The following MYOM2 variants were observed in gnomAD, a reference collection of about 807,000 sequenced individuals.
The protein encoded by MYOM2 is myomesin-2.
In MYOM2, 254 loss-of-function variants were observed where a neutral mutation model predicts 187.6. The observed-to-expected ratio is 1.35, with a 90% CI of 1.22 to 1.50. The LOEUF is 1.50. Among genes scored for constraint, MYOM2 ranks in the 40% most tolerant of loss-of-function variants. The pLI, the probability that MYOM2 is intolerant of heterozygous loss-of-function variation, is 0.00. For synonymous variants in MYOM2, 981 were observed against 753.8 expected (o/e 1.30, Z -4.94); for missense variants, 2,796 against 1,924.0 (o/e 1.45, Z -8.48).
At chr8:2,071,972 A>C (rs2129334283) in intron 8 of MYOM2, among the ~76,000 whole-genome samples, 1 of 152,100 alleles carries the variant, frequency 6.6e-6, no homozygotes, top group South Asian at 2.1e-4. Context: ...ACCTCCTTAC[A>C]CCGTCCCATT....
chr8:2,122,528 G>A (rs1460854343), intron 28 of MYOM2, among the ~76,000 whole-genome samples: 2 of 152,214 alleles, frequency 1.3e-5, no homozygotes, highest in African/African-American at 4.8e-5. Context: ...TGACACTGTT[G>A]AATCATTTTC....
chr8:2,111,609 C>T (rs1298085550), intron 25 of MYOM2, among the ~76,000 whole-genome samples: 1 of 152,218 alleles, frequency 6.6e-6, no homozygotes. Context: ...ACACTCCACA[C>T]TGTAAAGAAA....
intron 14 of MYOM2, among the ~76,000 whole-genome samples, chr8:2,086,488 T>TGGCCCCCCACAGTCGTGATCTCTGC (rs1796073499): frequency 3.3e-5 from 2 of 61,026 alleles, no homozygotes; most frequent in African/African-American, 1.2e-4. Context: ...ATGATCTCTG[T>TGGCCCCCCACAGTCGTGATCTCTGC]GTGGCCCCCC....
At position 2,136,925 on chromosome 8, in the gene MYOM2, A is replaced by G. The variant is rs993697178; in HGVS notation, c.3801-3798A>G. 3.3e-5 allele frequency among the ~76,000 whole-genome samples: 5 copies of G among 152,138 alleles called. No homozygotes were observed. The South Asian group carries it at 6.2e-4, about 19-fold the overall frequency. The stretch of plus-strand genomic sequence containing the variant: ...ATTTGCAGCGCAACTTTCGTGGCCC[A>G]GTGAATTTCACCTGTTGGACAAAGC... On this transcript the variant is annotated intron_variant, in intron 32 of 36. Transcript: ENST00000262113.
intron 6 of MYOM2, among the ~76,000 whole-genome samples, chr8:2,062,241 G>A (rs1269260816): frequency 6.6e-6 from 1 of 152,218 alleles, no homozygotes; most frequent in Admixed American, 6.5e-5. Flanking sequence ...TTTGCTGGAG[G>A]GAGGCGGGGA....
At chr8:2,054,898 C>G (rs1818605900) in intron 3 of MYOM2, among the ~76,000 whole-genome samples, 1 of 127,446 alleles carries the variant, frequency 7.8e-6, no homozygotes, top group African/African-American at 2.6e-5. Flanking sequence ...ACTGGGGAAC[C>G]AAGTACCTGG....
rs190682997 is a variant in MYOM2 at position 2,114,754 on chromosome 8, G to C, written c.3181-1206G>C. 2.9e-4 allele frequency among the ~76,000 whole-genome samples: 44 copies of C among 152,300 alleles called. 1 individual carries two copies. The highest frequency in any genetic ancestry group is 1.1e-3 in the African/African-American group (44 of 41,564). ...CAAAGTGCTGGGATTACAGGTGTGA[G>C]CCACTGCACCCAGCCTAACAAAATT... is the stretch of plus-strand genomic sequence containing the variant. On this transcript the variant is annotated intron_variant, in intron 25 of 36. Coordinates refer to ENST00000262113, the MANE Select transcript of MYOM2 (RefSeq NM_003970.4).
Position 2,076,211 on chromosome 8 carries a change from C to G in MYOM2, c.1191C>G (p.Asp397Glu), listed in dbSNP as rs1167852353. The G allele has an allele frequency of 1.2e-6, 2 of 1,613,626 alleles. No individual in the cohort carries two copies. The highest frequency in any genetic ancestry group is 1.3e-5 in the African/African-American group (1 of 75,032). Residue 397 changes from aspartate to glutamate, a missense_variant, in exon 11 of 37, where the codon GAC becomes GAG. Coordinates refer to ENST00000262113, the MANE Select transcript of MYOM2 (RefSeq NM_003970.4). The part of the protein sequence containing the change: ...MDLQCHDANR[D>E]YVIVTWKPPN... Reference sequence around the variant, plus strand: ...TGCAGTGCCACGACGCCAACCGGGACTACGTCATCGTGACCTGGAAGCCGC... The same window carrying G: ...TGCAGTGCCACGACGCCAACCGGGAGTACGTCATCGTGACCTGGAAGCCGC...
At chr8:2,048,284 A>G (rs1239933963) in intron 1 of MYOM2, among the ~76,000 whole-genome samples, 1 of 152,190 alleles carries the variant, frequency 6.6e-6, no homozygotes, top group Non-Finnish European at 1.5e-5. Flanking sequence ...TGGAAGCTGA[A>G]ACGTCTTCCC....
At chr8:2,068,548 A>G (rs1819101854) in intron 6 of MYOM2, among the ~76,000 whole-genome samples, 2 of 149,476 alleles carry the variant, frequency 1.3e-5, no homozygotes, top group Admixed American at 1.3e-4. Context: ...GCCTGTGTGC[A>G]CCAGGCGGAG....
chr8:2,129,088 C>G (rs1797759471), intron 31 of MYOM2, 39 bp from the exon 32 acceptor site: 2 of 1,477,596 alleles, frequency 1.4e-6, no homozygotes, highest in African/African-American at 2.8e-5. Context: ...ACAGCAGGCA[C>G]TCCTTTTCCT....
At chr8:2,120,794 T>A (rs1389018563) in intron 28 of MYOM2, among the ~76,000 whole-genome samples, 1 of 146,768 alleles carries the variant, frequency 6.8e-6, no homozygotes, top group Admixed American at 6.9e-5. Context: ...TATAGATATA[T>A]AATTGATAAT....
intron 19 of MYOM2, among the ~76,000 whole-genome samples, chr8:2,100,007 C>T (rs1398641969): frequency 8.9e-6 from 1 of 112,354 alleles, no homozygotes; most frequent in Non-Finnish European, 2.1e-5. Context: ...TTCCTTCCTT[C>T]CTTCCTTTCT....
At position 2,139,949 on chromosome 8, in the gene MYOM2, C is replaced by T. The variant is rs193080548; in HGVS notation, c.3801-774C>T. On this transcript the variant is annotated intron_variant, in intron 32 of 36. Transcript: ENST00000262113. ...AATGTAAAAGTGAGCATTTTAACCACCTTTAAGGGTACTGTTCAGTGGTGT... is the reference window on the plus strand; with the variant it reads ...AATGTAAAAGTGAGCATTTTAACCATCTTTAAGGGTACTGTTCAGTGGTGT... Among the ~76,000 whole-genome samples the T allele has an allele frequency of 2.5e-3, 383 of 152,258 alleles. 2 individuals carry two copies. The highest frequency in any genetic ancestry group is 4.5e-3 in the Non-Finnish European group (307 of 68,012).
intron 32 of MYOM2, 22 bp from the exon 33 acceptor site, chr8:2,140,701 C>A: frequency 6.2e-7 from 1 of 1,611,674 alleles, no homozygotes; most frequent in Non-Finnish European, 8.5e-7. Context: ...AACTCAGATA[C>A]GTTCCTGTTG....
At position 2,085,395 on chromosome 8, in the gene MYOM2, A is replaced by C; in HGVS notation, c.1644+5A>C. The C allele has an allele frequency of 6.2e-7, 1 of 1,602,858 alleles. No individual in the cohort carries two copies. On this transcript the variant is annotated splice_donor_5th_base_variant and intron_variant, in intron 14 of 36. Transcript: ENST00000262113. The stretch of plus-strand genomic sequence containing the variant: ...CTCATGTACTTCATTGAGAAGGTAA[A>C]CTCCGGGCCCGTGTCCTGGAAAAGT...
intron 11 of MYOM2, among the ~76,000 whole-genome samples, chr8:2,078,138 A>G (rs764800354): frequency 1.3e-5 from 2 of 152,190 alleles, no homozygotes; most frequent in African/African-American, 2.4e-5. Context: ...AATCTTTCCT[A>G]TATTTCCAGG....
chr8:2,074,032 C>T (rs574899474), intron 10 of MYOM2, among the ~76,000 whole-genome samples: 150 of 152,316 alleles, frequency 9.8e-4, no homozygotes, highest in African/African-American at 3.2e-3. Flanking sequence ...CATCACCAGA[C>T]GCTTTATGTC....
At chr8:2,096,939 C>T (rs1796511708) in intron 18 of MYOM2, 5 of 171,612 alleles carry the variant, frequency 2.9e-5, no homozygotes, top group African/African-American at 4.8e-5. Context: ...GCAAGGACAT[C>T]GACTTGGAGC....
Sources: gnomAD v4.1 joint callset for allele counts (sites outside exome capture counted in the v4.1 genomes callset) on GRCh38, gnomAD v4.1.1 for gene constraint, MANE v1.5 for transcripts, NCBI Gene and HGNC (gene_info 2026-07-23, HGNC 2026-07-21) for gene names.